Variants in CADM2 observed in about 807,000 individuals in gnomAD.
CADM2 encodes the protein cell adhesion molecule 2.
A neutral mutation model predicts 49.8 loss-of-function variants in CADM2; 12 were observed. That is an observed-to-expected ratio of 0.24 (90% CI 0.15 to 0.39). CADM2 has a LOEUF of 0.39. Among genes scored for constraint, CADM2 ranks in the 10% least tolerant of loss-of-function variants. The pLI, the probability that CADM2 is intolerant of heterozygous loss-of-function variation, is 1.00. For synonymous variants in CADM2, 214 were observed against 175.4 expected, an observed-to-expected ratio of 1.22 and a Z score of -1.74; for missense variants, 378 against 492.3, an observed-to-expected ratio of 0.77 and a Z score of 2.20.
intron 1 of CADM2, among the ~76,000 whole-genome samples, chr3:85,063,621 G>A (rs1484153197): frequency 6.6e-6 from 1 of 151,940 alleles, no homozygotes; most frequent in Non-Finnish European, 1.5e-5. Flanking sequence ...ATTTCAGTGG[G>A]CTCTCTTATT....
chr3:85,473,613 C>T (rs1303473410), intron 1 of CADM2, among the ~76,000 whole-genome samples: 2 of 152,010 alleles, frequency 1.3e-5, no homozygotes, highest in African/African-American at 4.8e-5. Flanking sequence ...ACTCCTGAAT[C>T]CTCAAATGTT....
At chr3:85,857,224 A>T (rs890773694) in intron 3 of CADM2, among the ~76,000 whole-genome samples, 1 of 152,140 alleles carries the variant, frequency 6.6e-6, no homozygotes, top group Non-Finnish European at 1.5e-5. Flanking sequence ...ATACCATCAC[A>T]TTAGGAGGCT....
intron 8 of CADM2, among the ~76,000 whole-genome samples, chr3:86,044,449 C>T (rs1484110269): frequency 3.9e-5 from 6 of 152,166 alleles, no homozygotes; most frequent in Admixed American, 3.9e-4. Context: ...AGCCAAAAGA[C>T]ACATGAAAAA....
chr3:85,406,588 C>G (rs913455735), intron 1 of CADM2, among the ~76,000 whole-genome samples: 1 of 152,052 alleles, frequency 6.6e-6, no homozygotes, highest in Admixed American at 6.6e-5. Context: ...TAGTTGAGTT[C>G]TCTCTATGTC....
At chr3:85,962,608 G>C (rs1396355809) in intron 8 of CADM2, among the ~76,000 whole-genome samples, 1 of 151,884 alleles carries the variant, frequency 6.6e-6, no homozygotes, top group East Asian at 2.0e-4. Context: ...GATATTGTTA[G>C]ATGGAGATGA....
chr3:85,763,185 G>A (rs1284399951), intron 2 of CADM2, among the ~76,000 whole-genome samples: 1 of 152,120 alleles, frequency 6.6e-6, no homozygotes, highest in Non-Finnish European at 1.5e-5. Context: ...GGAGAGCAAT[G>A]AACCTGGATC....
At chr3:85,913,873 A>C (rs1025642956) in intron 6 of CADM2, among the ~76,000 whole-genome samples, 1 of 152,118 alleles carries the variant, frequency 6.6e-6, no homozygotes, top group African/African-American at 2.4e-5. Flanking sequence ...GGTGTAATGC[A>C]GAGGGAAGGG....
intron 1 of CADM2, among the ~76,000 whole-genome samples, chr3:85,494,563 T>G (rs1452765632): frequency 2.0e-5 from 3 of 152,170 alleles, no homozygotes; most frequent in African/African-American, 7.2e-5. Flanking sequence ...GTTGATCTCT[T>G]GGTAACCTTG....
chr3:85,606,469 TA>T (rs1407140703), intron 1 of CADM2, among the ~76,000 whole-genome samples: 2 of 152,104 alleles, frequency 1.3e-5, no homozygotes, highest in African/African-American at 4.8e-5. Context: ...TAATATACTA[TA>T]AAAACATATG....
intron 1 of CADM2, among the ~76,000 whole-genome samples, chr3:85,535,718 C>A (rs1274780354): frequency 2.0e-5 from 3 of 152,086 alleles, no homozygotes; most frequent in Non-Finnish European, 4.4e-5. Context: ...AAAGCAGCTT[C>A]TGTTCCTTCT....
intron 1 of CADM2, among the ~76,000 whole-genome samples, chr3:85,422,269 G>A (rs1053024579): frequency 6.6e-6 from 1 of 151,894 alleles, no homozygotes; most frequent in Non-Finnish European, 1.5e-5. Flanking sequence ...AATTATTTGC[G>A]AATGAAATAA....
At chr3:85,663,817 A>G (rs911699396) in intron 1 of CADM2, among the ~76,000 whole-genome samples, 1 of 152,000 alleles carries the variant, frequency 6.6e-6, no homozygotes, top group Non-Finnish European at 1.5e-5. Context: ...TACCACAAAG[A>G]TCCTCAAAAG....
At chr3:85,361,209 G>A (rs765060344) in intron 1 of CADM2, among the ~76,000 whole-genome samples, 1 of 152,132 alleles carries the variant, frequency 6.6e-6, no homozygotes, top group East Asian at 1.9e-4. Flanking sequence ...ACTGCAAGCA[G>A]TTTAGCAGTG....
At chr3:85,473,004 C>T (rs2038831640) in intron 1 of CADM2, among the ~76,000 whole-genome samples, 2 of 151,994 alleles carry the variant, frequency 1.3e-5, no homozygotes, top group Non-Finnish European at 2.9e-5. Context: ...TGTCAATTTT[C>T]TCTATCATAT....
intron 1 of CADM2, among the ~76,000 whole-genome samples, chr3:85,354,325 G>A (rs573829251): frequency 1.5e-5 from 2 of 137,908 alleles, no homozygotes; most frequent in African/African-American, 2.7e-5. Context: ...GACACAGGAA[G>A]GGGAACATCA....
chr3:85,795,679 G>A (rs563627159), intron 2 of CADM2, among the ~76,000 whole-genome samples: 65 of 152,172 alleles, frequency 4.3e-4, no homozygotes, highest in African/African-American at 1.5e-3. Flanking sequence ...AATTATAAAA[G>A]TAAGGTATCA....
At position 85,662,670 on chromosome 3, in the gene CADM2, C is replaced by G. The variant is rs556007351; in HGVS notation, c.62-63852C>G. ...GCCTGAGGACTTTGCATTTATTCTTCAAGAATATGCCTAACCATCTTACCA... is the reference window on the plus strand; with the variant it reads ...GCCTGAGGACTTTGCATTTATTCTTGAAGAATATGCCTAACCATCTTACCA... On this transcript the variant is annotated intron_variant, in intron 1 of 9. Transcript: ENST00000383699. Among the ~76,000 whole-genome samples the G allele has an allele frequency of 8.7e-4, 133 of 152,138 alleles. 1 individual carries two copies. Among genetic ancestry groups the G allele is most frequent in the Non-Finnish European group, 1.8e-3 (119 of 67,958 alleles).
At chr3:85,196,613 T>C (rs1481134314) in intron 1 of CADM2, among the ~76,000 whole-genome samples, 1 of 151,980 alleles carries the variant, frequency 6.6e-6, no homozygotes, top group African/African-American at 2.4e-5. Flanking sequence ...AGTCTTGATT[T>C]CTGTTTTGAA....
intron 1 of CADM2, among the ~76,000 whole-genome samples, chr3:85,405,665 C>T (rs12638482): frequency 0.5 from 76,233 of 151,914 alleles, 22,263 homozygotes; most frequent in East Asian, 0.83. Context: ...ATTAAAAAGC[C>T]TTGATTCCGA....
Sources: gnomAD v4.1 joint callset for allele counts (sites outside exome capture counted in the v4.1 genomes callset) on GRCh38, gnomAD v4.1.1 for gene constraint, MANE v1.5 for transcripts, NCBI Gene and HGNC (gene_info 2026-07-23, HGNC 2026-07-21) for gene names.